Variants in TRPM3 observed in about 807,000 individuals in gnomAD.
TRPM3 encodes long transient receptor potential channel 3.
In TRPM3, 77 loss-of-function variants were observed where a neutral mutation model predicts 181.2. The ratio of observed to expected loss-of-function variants is 0.42; its 90% CI spans 0.35 to 0.51. The LOEUF (loss-of-function observed/expected upper bound fraction) is 0.51, where lower values mean the gene tolerates loss of function less well. TRPM3 is among the 20% of genes least tolerant of loss of function. TRPM3 has a pLI of 0.01. For synonymous variants in TRPM3, 745 were observed against 796.4 expected (o/e 0.94, Z 1.09); for missense variants, 1,759 against 2,196.7 (o/e 0.80, Z 3.98).
At chr9:71,214,283 A>G (rs1194625375) in intron 1 of TRPM3, among the ~76,000 whole-genome samples, 3 of 151,488 alleles carry the variant, frequency 2.0e-5, no homozygotes, top group Non-Finnish European at 4.4e-5. Flanking sequence ...ACAGTTTAAT[A>G]TATCAGAATG....
intron 1 of TRPM3, among the ~76,000 whole-genome samples, chr9:70,988,288 G>T (rs985531397): frequency 6.6e-6 from 1 of 152,116 alleles, no homozygotes; most frequent in Non-Finnish European, 1.5e-5. Context: ...AAGCATATAG[G>T]CTTTGAATCC....
intron 1 of TRPM3, among the ~76,000 whole-genome samples, chr9:71,195,874 G>A (rs1356328375): frequency 5.9e-5 from 9 of 151,918 alleles, no homozygotes; most frequent in South Asian, 2.1e-4. Flanking sequence ...ACCAAATATC[G>A]CATGATCTCA....
chr9:71,177,458 A>C (rs2077164943), intron 1 of TRPM3, among the ~76,000 whole-genome samples: 1 of 152,150 alleles, frequency 6.6e-6, no homozygotes, highest in Non-Finnish European at 1.5e-5. Context: ...CCTAGGCTAT[A>C]CCATCCAGGT....
chr9:71,047,876 T>C (rs1215646484), intron 1 of TRPM3, among the ~76,000 whole-genome samples: 1 of 139,762 alleles, frequency 7.2e-6, no homozygotes, highest in Non-Finnish European at 1.6e-5. Flanking sequence ...AACAAACAAA[T>C]GAAAAACGGT....
At chr9:70,784,313 G>T in intron 6 of TRPM3, 34 bp from the exon 7 acceptor site, 2 of 1,543,206 alleles carry the variant, frequency 1.3e-6, no homozygotes, top group Non-Finnish European at 1.7e-6. Flanking sequence ...AGGAAAAAAA[G>T]AGAAAAGAAC....
At chr9:71,025,850 G>A (rs2097891764) in intron 1 of TRPM3, among the ~76,000 whole-genome samples, 1 of 152,224 alleles carries the variant, frequency 6.6e-6, no homozygotes, top group Non-Finnish European at 1.5e-5. Context: ...GGTGAACTCA[G>A]AGGAAAGGCA....
chr9:70,944,026 C>A (rs867442168), intron 1 of TRPM3, among the ~76,000 whole-genome samples: 1 of 152,164 alleles, frequency 6.6e-6, no homozygotes, highest in Non-Finnish European at 1.5e-5. Context: ...GTGGTCCGCC[C>A]CCCACCTTGG....
intron 1 of TRPM3, among the ~76,000 whole-genome samples, chr9:71,338,620 C>A (rs1046773879): frequency 2.7e-5 from 4 of 150,318 alleles, no homozygotes; most frequent in Non-Finnish European, 5.9e-5. Context: ...TAAAAGTAAT[C>A]AAAATCCTAA....
intron 9 of TRPM3, among the ~76,000 whole-genome samples, chr9:70,671,310 G>A (rs1464222598): frequency 6.6e-6 from 1 of 152,142 alleles, no homozygotes; most frequent in Non-Finnish European, 1.5e-5. Context: ...CTGGCTCACT[G>A]TGGTAAGTAC....
chr9:70,888,907 G>C (rs2096142669), intron 1 of TRPM3, among the ~76,000 whole-genome samples: 1 of 152,178 alleles, frequency 6.6e-6, no homozygotes, highest in Non-Finnish European at 1.5e-5. Context: ...TCTAAAATGA[G>C]AGGAAAGTTG....
At chr9:70,596,062 A>C (rs1337386561) in intron 21 of TRPM3, among the ~76,000 whole-genome samples, 4 of 152,230 alleles carry the variant, frequency 2.6e-5, no homozygotes, top group African/African-American at 9.6e-5. Context: ...TAAAAAATGC[A>C]ATTTGAACAT....
chr9:71,271,120 A>T (rs1468808266), intron 1 of TRPM3, among the ~76,000 whole-genome samples: 1 of 152,204 alleles, frequency 6.6e-6, no homozygotes, highest in Non-Finnish European at 1.5e-5. Flanking sequence ...TTTGGGAATA[A>T]TTTGTTGCAC....
At chr9:71,375,311 T>TA (rs1165729859) in intron 1 of TRPM3, among the ~76,000 whole-genome samples, 1 of 152,188 alleles carries the variant, frequency 6.6e-6, no homozygotes, top group Non-Finnish European at 1.5e-5. Context: ...CTGGGAGAAC[T>TA]GGCTAGCCAA....
chr9:70,966,562 T>TA (rs1289703480), intron 1 of TRPM3, among the ~76,000 whole-genome samples: 1 of 152,014 alleles, frequency 6.6e-6, no homozygotes, highest in Non-Finnish European at 1.5e-5. Context: ...TATGCAGCCA[T>TA]AAAAAAGAAT....
At chr9:71,155,929 G>C (rs1255252174) in intron 1 of TRPM3, among the ~76,000 whole-genome samples, 3 of 152,142 alleles carry the variant, frequency 2.0e-5, no homozygotes, top group African/African-American at 7.2e-5. Context: ...AAAGTGTCAA[G>C]TATAGGCCAG....
At chr9:71,279,222 C>A (rs1184450518) in intron 1 of TRPM3, among the ~76,000 whole-genome samples, 1 of 152,030 alleles carries the variant, frequency 6.6e-6, no homozygotes, top group South Asian at 2.1e-4. Context: ...AATGCGTACA[C>A]AGACAGAGGA....
chr9:70,935,181 T>C (rs1328233610), intron 1 of TRPM3, among the ~76,000 whole-genome samples: 2 of 152,160 alleles, frequency 1.3e-5, no homozygotes, highest in Non-Finnish European at 2.9e-5. Flanking sequence ...CTCTGGGCAG[T>C]TGTTTTTTCT....
chr9:71,321,108 A>G (rs542816991), intron 1 of TRPM3, among the ~76,000 whole-genome samples: 50 of 152,214 alleles, frequency 3.3e-4, no homozygotes, highest in African/African-American at 1.0e-3. Flanking sequence ...AAATCAACCC[A>G]TATGTCTTCT....
intron 1 of TRPM3, among the ~76,000 whole-genome samples, chr9:70,910,136 C>A (rs1453655331): frequency 2.0e-5 from 3 of 152,162 alleles, no homozygotes; most frequent in Admixed American, 1.3e-4. Flanking sequence ...ATAATAGTCT[C>A]AAATTGGACA....
Sources: allele counts gnomAD v4.1 joint callset (sites outside exome capture counted in the v4.1 genomes callset), GRCh38; gene constraint gnomAD v4.1.1; transcripts MANE v1.5; gene names NCBI Gene and HGNC (gene_info 2026-07-23, HGNC 2026-07-21).